USP34: variants seen among roughly 807,000 people sequenced by gnomAD.
USP34 encodes the protein ubiquitin specific peptidase 34.
A neutral mutation model predicts 460.3 loss-of-function variants in USP34; 70 were observed. The ratio of observed to expected loss-of-function variants is 0.15; its 90% CI spans 0.13 to 0.19. The LOEUF (loss-of-function observed/expected upper bound fraction) is 0.19, where lower values mean the gene tolerates loss of function less well. USP34 is among the 10% of genes least tolerant of loss of function. The pLI is 1.00. For synonymous variants in USP34, 1,647 were observed against 1,405.3 expected, an observed-to-expected ratio of 1.17 and a Z score of -3.85; for missense variants, 3,985 against 4,236.2, an observed-to-expected ratio of 0.94 and a Z score of 1.65.
At position 61,326,875 on chromosome 2, in the gene USP34, C is replaced by G. The variant is rs548166498; in HGVS notation, c.2931-1418G>C. 4.9e-4 allele frequency among the ~76,000 whole-genome samples: 74 copies of G among 150,910 alleles called. No individual in the cohort carries two copies. In the Middle Eastern group the frequency reaches 0.021, roughly 42 times the overall value. ...CTCAGCTCACTGCAACCTCCGCCTCCTGGGTTCAAGCGATTCTCCTGCCTC... is the reference window on the plus strand; with the variant it reads ...CTCAGCTCACTGCAACCTCCGCCTCGTGGGTTCAAGCGATTCTCCTGCCTC... On this transcript the variant is annotated intron_variant, in intron 20 of 79. Transcript: ENST00000398571.
intron 53 of USP34, among the ~76,000 whole-genome samples, chr2:61,236,636 G>C (rs188093239): frequency 6.6e-6 from 1 of 152,074 alleles, no homozygotes; most frequent in East Asian, 1.9e-4. Flanking sequence ...TTATAAAAAT[G>C]CTGCAAGAAT....
intron 67 of USP34, among the ~76,000 whole-genome samples, chr2:61,219,230 A>G (rs970091412): frequency 2.6e-5 from 4 of 152,150 alleles, no homozygotes; most frequent in Admixed American, 6.5e-5. Context: ...TCTCTGACAT[A>G]CACCCACCAT....
At chr2:61,289,731 C>A (rs1689792766) in intron 33 of USP34, among the ~76,000 whole-genome samples, 1 of 151,852 alleles carries the variant, frequency 6.6e-6, no homozygotes, top group Non-Finnish European at 1.5e-5. Flanking sequence ...CTATAAAAAC[C>A]AAATAGCCGT....
chr2:61,201,387 T>C (rs1686972852), intron 75 of USP34, among the ~76,000 whole-genome samples: 1 of 151,998 alleles, frequency 6.6e-6, no homozygotes, highest in African/African-American at 2.4e-5. Flanking sequence ...CTAGCTAATT[T>C]TTTTATTTTT....
chr2:61,444,164 A>AGGATCACTT (rs1558598090), intron 1 of USP34, among the ~76,000 whole-genome samples: 1 of 152,130 alleles, frequency 6.6e-6, no homozygotes, highest in Non-Finnish European at 1.5e-5. Context: ...CTGAGGTGGG[A>AGGATCACTT]GGATCACTTG....
In USP34 at chr2:61,192,132, C is replaced by G. The variant is rs1392249908; in HGVS notation, c.9588+769G>C. 3.4e-4 allele frequency among the ~76,000 whole-genome samples: 51 copies of G among 152,174 alleles called. 1 individual carries two copies. The highest frequency in any genetic ancestry group is 3.3e-3 in the Admixed American group (51 of 15,278). On this transcript the variant is annotated intron_variant, in intron 76 of 79. Coordinates refer to ENST00000398571, the MANE Select transcript of USP34 (RefSeq NM_014709.4). ...AGGAGGCTGAACCAGACTCAAAATA[C>G]TTCAGGAAAGCATGATGTGGGTCAA...
chr2:61,232,870 C>CTTTT (rs1198998742), intron 57 of USP34, among the ~76,000 whole-genome samples: 5 of 86,758 alleles, frequency 5.8e-5, no homozygotes, highest in African/African-American at 8.7e-5. Context: ...TCCCCCCCCC[C>CTTTT]TTTTTTTTTT....
At chr2:61,449,488 C>G (rs1206225127) in intron 1 of USP34, among the ~76,000 whole-genome samples, 1 of 148,472 alleles carries the variant, frequency 6.7e-6, no homozygotes, top group Admixed American at 6.9e-5. Flanking sequence ...TCAAGGGACC[C>G]TGAAGAGCCA....
At chr2:61,214,816 C>G (rs568050654) in intron 67 of USP34, 122 bp from the exon 68 acceptor site, 2 of 1,144,050 alleles carry the variant, frequency 1.7e-6, no homozygotes, top group Non-Finnish European at 2.4e-6. Context: ...GGGACATGAA[C>G]ATCTCTTTTA....
intron 35 of USP34, 141 bp from the exon 36 acceptor site, chr2:61,283,590 TGAGAG>T: frequency 1.4e-6 from 1 of 739,038 alleles, no homozygotes; most frequent in Non-Finnish European, 2.2e-6. Flanking sequence ...AGAGTGAGAG[TGAGAG>T]TGAGAGAGAG....
intron 20 of USP34, 129 bp downstream of exon 20, chr2:61,331,147 A>G: frequency 1.3e-6 from 1 of 788,450 alleles, no homozygotes. Context: ...GCCTTTTCAT[A>G]ATTTTATACA....
At chr2:61,404,867 C>T (rs548993164) in intron 3 of USP34, among the ~76,000 whole-genome samples, 1 of 152,236 alleles carries the variant, frequency 6.6e-6, no homozygotes, top group African/African-American at 2.4e-5. Context: ...AGATAGGTTA[C>T]TACATACTTA....
At chr2:61,394,112 C>T (rs1441738884) in intron 5 of USP34, among the ~76,000 whole-genome samples, 3 of 152,014 alleles carry the variant, frequency 2.0e-5, no homozygotes, top group African/African-American at 4.8e-5. Flanking sequence ...CAAAGTGAGA[C>T]TCCGTGTCAA....
chr2:61,447,355 G>T (rs79008506), intron 1 of USP34, among the ~76,000 whole-genome samples: 1 of 150,624 alleles, frequency 6.6e-6, no homozygotes, highest in Non-Finnish European at 1.5e-5. Context: ...TCAAGTTCAT[G>T]GTGTCAGGTT....
intron 69 of USP34, among the ~76,000 whole-genome samples, chr2:61,210,939 A>C (rs1436835896): frequency 1.3e-5 from 2 of 152,196 alleles, no homozygotes; most frequent in Admixed American, 6.5e-5. Flanking sequence ...GGCTGCTCTA[A>C]ATCTTTTTTG....
chr2:61,352,609 T>G (rs938107982), intron 10 of USP34, among the ~76,000 whole-genome samples: 32 of 150,222 alleles, frequency 2.1e-4, no homozygotes, highest in African/African-American at 7.1e-4. Context: ...ATTACAGGAA[T>G]GAGCCACTGA....
chr2:61,429,257 C>G (rs376836949), intron 1 of USP34, among the ~76,000 whole-genome samples: 1 of 151,980 alleles, frequency 6.6e-6, no homozygotes, highest in African/African-American at 2.4e-5. Flanking sequence ...ACCATCCTGG[C>G]TAACAAGGTG....
At chr2:61,439,626 T>C (rs1694910078) in intron 1 of USP34, among the ~76,000 whole-genome samples, 1 of 152,154 alleles carries the variant, frequency 6.6e-6, no homozygotes, top group Admixed American at 6.5e-5. Flanking sequence ...GGGACTCCTG[T>C]GTGCTCCAAG....
At chr2:61,431,279 G>C (rs551357151) in intron 1 of USP34, among the ~76,000 whole-genome samples, 1 of 152,182 alleles carries the variant, frequency 6.6e-6, no homozygotes, top group Non-Finnish European at 1.5e-5. Flanking sequence ...CTGGAATGCA[G>C]TGGCACAATC....
Sources: allele counts gnomAD v4.1 joint callset (sites outside exome capture counted in the v4.1 genomes callset), GRCh38; gene constraint gnomAD v4.1.1; transcripts MANE v1.5; gene names NCBI Gene and HGNC (gene_info 2026-07-23, HGNC 2026-07-21).